DPYS: variants seen among roughly 807,000 people sequenced by gnomAD.
The protein encoded by DPYS is dihydropyrimidinase, also known as dihydropyrimidine amidohydrolase.
DPYS carries 39 observed loss-of-function variants against 50.3 expected under a neutral mutation model. That is an observed-to-expected ratio of 0.78 (90% CI 0.60 to 1.01). The LOEUF (loss-of-function observed/expected upper bound fraction) is 1.01, where lower values mean the gene tolerates loss of function less well. Ranked by LOEUF, DPYS falls within the 50% of genes least tolerant of loss-of-function variation. The probability of loss-of-function intolerance (pLI) is 0.00; values close to 1 mark genes in which losing one functional copy is unlikely to be tolerated. For synonymous variants in DPYS, 245 were observed against 250.7 expected, an observed-to-expected ratio of 0.98 and a Z score of 0.22; for missense variants, 659 against 680.9, an observed-to-expected ratio of 0.97 and a Z score of 0.36.
rs1223562705 is a variant in DPYS, at chr8:104,398,426, C to T, written c.1236-5435G>A. ...GGGGCATCAGTCCTGGCTGCTCAGC[C>T]TCTCAGCTTGCTCCTCTAGCCCTCC... On this transcript the variant is annotated intron_variant, in intron 7 of 9. Transcript: ENST00000351513. Among the ~76,000 whole-genome samples the T allele has an allele frequency of 2.6e-5, 4 of 152,272 alleles. 1 individual carries two copies. The highest frequency in any genetic ancestry group is 6.5e-5 in the Admixed American group (1 of 15,292).
intron 2 of DPYS, 83 bp from the exon 3 acceptor site, chr8:104,447,586 G>C (rs1387978747): frequency 6.7e-7 from 1 of 1,487,008 alleles, no homozygotes. Context: ...CGTTGCATTC[G>C]GAAGAGAACT....
chr8:104,452,790 A>G (rs1157474261), intron 1 of DPYS, among the ~76,000 whole-genome samples: 1 of 152,182 alleles, frequency 6.6e-6, no homozygotes, highest in Non-Finnish European at 1.5e-5. Flanking sequence ...GCAGTGAGCT[A>G]TGATTGCACC....
intron 1 of DPYS, among the ~76,000 whole-genome samples, chr8:104,464,742 T>C (rs1241774160): frequency 1.3e-5 from 2 of 152,218 alleles, no homozygotes; most frequent in African/African-American, 2.4e-5. Flanking sequence ...CACCAAAACA[T>C]TGGCTGTCAC....
intron 7 of DPYS, among the ~76,000 whole-genome samples, chr8:104,397,060 T>C (rs1811616547): frequency 6.6e-6 from 1 of 152,186 alleles, no homozygotes; most frequent in South Asian, 2.1e-4. Context: ...ACTTTTTCCT[T>C]CCAGCTGAAG....
At chr8:104,388,376 A>G (rs1268020255) in intron 8 of DPYS, among the ~76,000 whole-genome samples, 3 of 152,118 alleles carry the variant, frequency 2.0e-5, no homozygotes, top group Non-Finnish European at 4.4e-5. Flanking sequence ...CTATTACTGA[A>G]AAAAAAAGAG....
intron 8 of DPYS, among the ~76,000 whole-genome samples, chr8:104,383,234 G>C (rs556228299): frequency 2.6e-5 from 4 of 152,316 alleles, no homozygotes; most frequent in Admixed American, 2.0e-4. Context: ...TTTTGCATGG[G>C]CTGGGCTGCC....
intron 1 of DPYS, among the ~76,000 whole-genome samples, chr8:104,460,508 T>G (rs886222303): frequency 3.9e-5 from 6 of 152,224 alleles, no homozygotes; most frequent in African/African-American, 1.2e-4. Context: ...TTGAACCTCT[T>G]TTCTTTATAA....
intron 1 of DPYS, among the ~76,000 whole-genome samples, chr8:104,455,673 A>G (rs1813899027): frequency 6.6e-6 from 1 of 152,168 alleles, no homozygotes; most frequent in African/African-American, 2.4e-5. Flanking sequence ...AGGTCCCGAG[A>G]CTGGCCGAAA....
At chr8:104,396,693 G>A (rs1416013579) in intron 7 of DPYS, among the ~76,000 whole-genome samples, 2 of 151,896 alleles carry the variant, frequency 1.3e-5, no homozygotes, top group Non-Finnish European at 2.9e-5. Flanking sequence ...CTTTTTTTGT[G>A]GCTAAGAAAA....
intron 7 of DPYS, among the ~76,000 whole-genome samples, chr8:104,402,004 A>G (rs770924158): frequency 1.2e-4 from 19 of 152,364 alleles, no homozygotes; most frequent in Non-Finnish European, 2.5e-4. Flanking sequence ...AGTAGATGAC[A>G]AAATACTTAA....
At chr8:104,459,670 A>C (rs899505915) in intron 1 of DPYS, among the ~76,000 whole-genome samples, 12 of 152,166 alleles carry the variant, frequency 7.9e-5, no homozygotes, top group African/African-American at 2.9e-4. Flanking sequence ...TTTTTCCTTA[A>C]GTCCCAAATC....
chr8:104,427,900 T>C (rs1478699547), intron 6 of DPYS, 80 bp downstream of exon 6: 1 of 1,608,034 alleles, frequency 6.2e-7, no homozygotes, highest in East Asian at 2.2e-5. Flanking sequence ...CTATGAAAAT[T>C]TGTGCCACTC....
In DPYS at chr8:104,390,472, A is replaced by C. The variant is rs576111960; in HGVS notation, c.1443+2312T>G. On this transcript the variant is annotated intron_variant, in intron 8 of 9. Coordinates refer to ENST00000351513, the MANE Select transcript of DPYS (RefSeq NM_001385.3). ...TTGTGTGACTTGGACAAATTTCTTA[A>C]TTTCTTGAAGCTTCAGTTCTCTTTA... 2.9e-4 allele frequency among the ~76,000 whole-genome samples: 43 copies of C among 150,330 alleles called. No individual in the cohort carries two copies. In the South Asian group the frequency reaches 8.3e-3, roughly 29 times the overall value.
At chr8:104,452,704 G>A (rs1813790243) in intron 1 of DPYS, among the ~76,000 whole-genome samples, 1 of 152,122 alleles carries the variant, frequency 6.6e-6, no homozygotes, top group Non-Finnish European at 1.5e-5. Flanking sequence ...AGCCAGGCAT[G>A]GTGGCATGCG....
At chr8:104,384,143 C>T (rs550113615) in intron 8 of DPYS, among the ~76,000 whole-genome samples, 2 of 152,334 alleles carry the variant, frequency 1.3e-5, no homozygotes. Flanking sequence ...TGCACGGCCA[C>T]CTCAGAAACA....
intron 7 of DPYS, among the ~76,000 whole-genome samples, chr8:104,415,481 C>T (rs1388554150): frequency 1.3e-5 from 2 of 151,890 alleles, no homozygotes; most frequent in Non-Finnish European, 2.9e-5. Flanking sequence ...GGTTCAGTTG[C>T]ATAAAAATAT....
At chr8:104,392,401 G>T (rs1811418829) in intron 8 of DPYS, among the ~76,000 whole-genome samples, 1 of 151,912 alleles carries the variant, frequency 6.6e-6, no homozygotes, top group Non-Finnish European at 1.5e-5. Flanking sequence ...GCAATCTGAG[G>T]GCTCTCCCAA....
At chr8:104,418,174 G>A (rs901152562) in intron 7 of DPYS, among the ~76,000 whole-genome samples, 8 of 152,220 alleles carry the variant, frequency 5.3e-5, no homozygotes, top group Non-Finnish European at 1.0e-4. Flanking sequence ...CGAATGGCCT[G>A]GCTGGAGCCA....
chr8:104,380,895 G>A (rs1811008785), intron 9 of DPYS: 5 of 344,170 alleles, frequency 1.5e-5, no homozygotes, highest in Middle Eastern at 9.3e-4. Flanking sequence ...AGTTCCCTCT[G>A]TATGTTATCA....
Sources: allele counts gnomAD v4.1 joint callset (sites outside exome capture counted in the v4.1 genomes callset), GRCh38; gene constraint gnomAD v4.1.1; transcripts MANE v1.5; gene names NCBI Gene and HGNC (gene_info 2026-07-23, HGNC 2026-07-21).